Variants in C4orf50 observed in about 807,000 individuals in gnomAD.
C4orf50 encodes the protein chromosome 4 open reading frame 50.
A neutral mutation model predicts 77.2 loss-of-function variants in C4orf50; 80 were observed. The ratio of observed to expected loss-of-function variants is 1.04; its 90% confidence interval spans 0.87 to 1.25. C4orf50 has a LOEUF of 1.25. Among genes scored for constraint, C4orf50 ranks in the 50% most tolerant of loss-of-function variants. C4orf50 has a pLI of 0.00. For missense variants in C4orf50, 1,257 were observed against 1,152.9 expected, an observed-to-expected ratio of 1.09 and a Z score of -1.31; for synonymous variants, 532 against 465.3, an observed-to-expected ratio of 1.14 and a Z score of -1.84.
intron 7 of C4orf50, among the ~76,000 whole-genome samples, chr4:5,946,474 C>T (rs774541087): frequency 6.6e-5 from 10 of 152,244 alleles, no homozygotes; most frequent in African/African-American, 9.6e-5. Flanking sequence ...AGACTAACTT[C>T]ATGCTAGACA....
Position 6,018,425 on chromosome 4 carries a change from G to C in C4orf50, c.7C>G (p.Pro3Ala). The stretch of plus-strand genomic sequence containing the variant: ...TCCTCAGTCCGTCCCTTGGCTGTTG[G>C]CTCCATCTCAGAAATATTTCATGGG... The change falls in exon 23 of 34, where the codon CCA becomes GCA. Residue 3 changes from proline (P) to alanine (A), a missense_variant. Transcript: ENST00000531445. The surrounding 1 kb of genome is among the most constrained non-coding windows in gnomAD (Gnocchi z 5.1). The C allele has an allele frequency of 5.0e-6, 2 of 398,956 alleles. No homozygotes were observed. Among genetic ancestry groups the C allele is most frequent in the Non-Finnish European group, 8.8e-6 (2 of 226,062 alleles). The allele number at this position is 398,956 out of a possible 1,614,324, so 24.7% of individuals were successfully genotyped here.
intron 7 of C4orf50, among the ~76,000 whole-genome samples, chr4:5,914,273 C>T (rs4689295): frequency 2.8e-5 from 4 of 143,950 alleles, no homozygotes; most frequent in East Asian, 2.0e-4. Context: ...GGCGCAATCT[C>T]GGCTCACTGC....
At chr4:5,962,238 T>G (rs4276238) in intron 33 of C4orf50, among the ~76,000 whole-genome samples, 1 of 152,048 alleles carries the variant, frequency 6.6e-6, no homozygotes, top group African/African-American at 2.4e-5. Flanking sequence ...ACATTTAAAT[T>G]GACATTCTGC....
In C4orf50 at chr4:6,009,848, G is replaced by C. The variant is rs1722416167; in HGVS notation, c.427-1316C>G. Among the ~76,000 whole-genome samples, 1 of 152,190 alleles carries C rather than the reference G, an allele frequency of 6.6e-6. No homozygotes were observed. On this transcript the variant is annotated intron_variant, in intron 24 of 33. Coordinates refer to ENST00000531445, the Ensembl canonical transcript of C4orf50. The surrounding 1 kb of genome is among the most constrained non-coding windows in gnomAD (Gnocchi z 5.6). ...GGCAGCTGGGCCAAGGGGCAACTGA[G>C]AGACCCTAAGCAATTTCCCTATCAC...
At chr4:5,993,813 T>A (rs1174913468) in intron 26 of C4orf50, among the ~76,000 whole-genome samples, 1 of 146,306 alleles carries the variant, frequency 6.8e-6, no homozygotes, top group Non-Finnish European at 1.5e-5. Flanking sequence ...TGAGACTCCA[T>A]CTCAAAAAAA....
chr4:5,973,755 C>A, exon 31 of C4orf50: 1 of 1,613,984 alleles, frequency 6.2e-7, no homozygotes, highest in Non-Finnish European at 8.5e-7. Flanking sequence ...GGAGGTTCCC[C>A]AGCCCATGTC....
chr4:5,993,800 G>C (rs1051726808), intron 26 of C4orf50, among the ~76,000 whole-genome samples: 3 of 151,404 alleles, frequency 2.0e-5, no homozygotes, highest in South Asian at 2.1e-4. Flanking sequence ...CTAGGTGACA[G>C]AGTGAGACTC....
chr4:5,989,781 C>G (rs1721148177), exon 28 of C4orf50: 1 of 1,523,200 alleles, frequency 6.6e-7, no homozygotes, highest in East Asian at 2.5e-5. Context: ...TTTCCTTGCT[C>G]TCATGTTCCT....
At chr4:5,940,362 T>C (rs1718207910) in intron 7 of C4orf50, among the ~76,000 whole-genome samples, 1 of 152,224 alleles carries the variant, frequency 6.6e-6, no homozygotes, top group Admixed American at 6.5e-5. Context: ...ATTCTGCAAT[T>C]CTCACTGACA....
chr4:5,980,428 G>T, intron 28 of C4orf50, 90 bp from the exon 7 acceptor site: 3 of 1,201,470 alleles, frequency 2.5e-6, no homozygotes, highest in Non-Finnish European at 3.4e-6. Flanking sequence ...TCCCCACTCC[G>T]TAGTTTTTTT....
intron 31 of C4orf50, among the ~76,000 whole-genome samples, chr4:5,972,008 A>AT (rs33971925): frequency 0.25 from 35,579 of 140,086 alleles, 4,653 homozygotes; most frequent in South Asian, 0.34. Flanking sequence ...TCTGCTTTCG[A>AT]TTTTTTTTTT....
rs1359669188 is a variant in C4orf50, at chr4:6,008,763, C to T, written c.427-231G>A. On this transcript the variant is annotated intron_variant, in intron 24 of 33. Transcript: ENST00000531445. The surrounding 1 kb of genome is among the most constrained non-coding windows in gnomAD (Gnocchi z 6.0). Reference sequence around the variant, plus strand: ...TTCATCCACCCTAGTCTGGGCCCTGCACCTTCAACAGCTCCCTGAGTCCTG... The same window carrying T: ...TTCATCCACCCTAGTCTGGGCCCTGTACCTTCAACAGCTCCCTGAGTCCTG... Among the ~76,000 whole-genome samples, 1 of 152,212 alleles carries T rather than the reference C, an allele frequency of 6.6e-6. No homozygotes were observed. The highest frequency in any genetic ancestry group is 2.4e-5 in the African/African-American group (1 of 41,460).
chr4:5,910,479 A>C (rs911322160), intron 7 of C4orf50, among the ~76,000 whole-genome samples: 7 of 152,248 alleles, frequency 4.6e-5, no homozygotes, highest in Admixed American at 1.3e-4. Context: ...TTATGCTATA[A>C]ACAGAATTAA....
chr4:5,966,472 C>T (rs1304086648), intron 32 of C4orf50, among the ~76,000 whole-genome samples: 1 of 150,892 alleles, frequency 6.6e-6, no homozygotes, highest in Non-Finnish European at 1.5e-5. Context: ...GAGACTCCCT[C>T]TCAAAAATAA....
Position 5,967,204 on chromosome 4 carries a change from G to C in C4orf50, c.4153+210C>G, listed in dbSNP as rs555481109. On this transcript the variant is annotated intron_variant, in intron 32 of 33. Coordinates refer to ENST00000531445, the Ensembl canonical transcript of C4orf50. ...GTGAAACTCTGGCACTGAGGAATTT[G>C]AACGTTTCTGTTTTTCCAGTGTGTT... Among the ~76,000 whole-genome samples the C allele has an allele frequency of 2.6e-5, 4 of 152,284 alleles. No homozygotes were observed. The South Asian group carries it at 8.3e-4, about 32-fold the overall frequency.
intron 25 of C4orf50, among the ~76,000 whole-genome samples, chr4:6,001,506 C>A (rs11731022): frequency 0.014 from 2,178 of 152,298 alleles, 28 homozygotes; most frequent in Admixed American, 0.023. Context: ...CGCTATTTCT[C>A]ATCCAGTAGA....
rs998516231 is a variant in C4orf50, at chr4:5,900,564, A to G, written c.*2475-2376T>C. Reference sequence around the variant, plus strand: ...CATCTATCACTAGATGATGCCATATAGATTGCAACCCAGTAGAAAACTAAT... The same window carrying G: ...CATCTATCACTAGATGATGCCATATGGATTGCAACCCAGTAGAAAACTAAT... On this transcript the variant is annotated intron_variant, in intron 7 of 7. Coordinates refer to the C4orf50 transcript ENST00000324058. The surrounding 1 kb of genome is among the most constrained non-coding windows in gnomAD (Gnocchi z 4.3). 3.9e-5 allele frequency: 6 copies of G among 152,240 alleles called. No homozygotes were observed. The highest frequency in any genetic ancestry group is 2.1e-4 in the South Asian group (1 of 4,828). 9.4% of individuals were successfully genotyped at this position (152,240 alleles called of 1,614,324 possible).
At chr4:6,013,263 C>T (rs1433575910) in intron 23 of C4orf50, among the ~76,000 whole-genome samples, 1 of 152,118 alleles carries the variant, frequency 6.6e-6, no homozygotes, top group Non-Finnish European at 1.5e-5. Context: ...GGATCATAAC[C>T]AAGATCCTTC....
In C4orf50 at chr4:5,919,337, C is replaced by T. The variant is rs1427766057; in HGVS notation, c.*2475-21149G>A. On this transcript the variant is annotated intron_variant, in intron 7 of 7. Coordinates refer to the C4orf50 transcript ENST00000324058. This position sits in a 1 kb window ranked among gnomAD's most constrained non-coding sequence, Gnocchi z 6.5. ...GGTTCTAGAAGTCTGGATGAACTGG[C>T]GTGGAGTGTGTATCACCTTCCAGGT... Among the ~76,000 whole-genome samples, 2 of 150,852 alleles carry T rather than the reference C, an allele frequency of 1.3e-5. No individual in the cohort carries two copies. Among genetic ancestry groups the T allele is most frequent in the African/African-American group, 2.4e-5 (1 of 40,922 alleles).
Sources: allele counts gnomAD v4.1 joint callset (sites outside exome capture counted in the v4.1 genomes callset), GRCh38; gene constraint gnomAD v4.1.1; non-coding constraint Gnocchi (gnomAD v3.1); transcripts MANE v1.5; gene names NCBI Gene and HGNC (gene_info 2026-07-23, HGNC 2026-07-21).